MGRN1: variants seen among roughly 807,000 people sequenced by gnomAD.
The protein encoded by MGRN1 is E3 ubiquitin-protein ligase MGRN1.
MGRN1 carries 29 observed loss-of-function variants against 69.2 expected under a neutral mutation model. That is an observed-to-expected ratio of 0.42 (90% CI 0.31 to 0.57). The LOEUF (loss-of-function observed/expected upper bound fraction) is 0.57, where lower values mean the gene tolerates loss of function less well. MGRN1 is among the 20% of genes least tolerant of loss of function. The pLI is 0.15. For missense variants in MGRN1, 998 were observed against 796.2 expected (o/e 1.25, Z -3.05); for synonymous variants, 470 against 344.2 (o/e 1.37, Z -4.04).
At chr16:4,648,555 C>T (rs1222164563) in intron 1 of MGRN1, among the ~76,000 whole-genome samples, 1 of 118,500 alleles carries the variant, frequency 8.4e-6, no homozygotes, top group Non-Finnish European at 1.7e-5. Flanking sequence ...GTCCTCCTCC[C>T]GGGGGCTCTT....
intron 1 of MGRN1, chr16:4,640,100 C>T (rs963318236): frequency 3.3e-5 from 5 of 152,314 alleles, no homozygotes; most frequent in African/African-American, 1.2e-4. Flanking sequence ...TTCGGAATGT[C>T]CCTGTTTTCC....
In MGRN1 at chr16:4,689,228, C is replaced by T. The variant is rs1215423327; in HGVS notation, c.*320C>T. On this transcript the variant is annotated 3_prime_UTR_variant, in exon 17 of 17. Transcript: ENST00000262370. ...TGCCCACGTGTGGCCTCCGCTGGCT[C>T]TGCCTGCTCCTGCAACAGTGCGGTC... 3 of 294,616 alleles carry T rather than the reference C, an allele frequency of 1.0e-5. No homozygotes were observed. In the South Asian group the frequency reaches 3.1e-4, roughly 30 times the overall value. The allele number at this position is 294,616 out of a possible 1,614,324, so 18.3% of individuals were successfully genotyped here. A position where few individuals can be genotyped will look rare whatever the true frequency, so the allele number is the denominator to read the frequency against.
intron 10 of MGRN1, 45 bp downstream of exon 10, chr16:4,673,702 G>A: frequency 6.2e-7 from 1 of 1,602,862 alleles, no homozygotes; most frequent in South Asian, 1.1e-5. Context: ...CTGGAAATTA[G>A]GGACTGGCCA....
At chr16:4,681,810 T>G in intron 13 of MGRN1, 34 bp downstream of exon 13, 2 of 1,592,366 alleles carry the variant, frequency 1.3e-6, no homozygotes, top group Non-Finnish European at 1.7e-6. Flanking sequence ...CATGGCAGGG[T>G]GTGTGGTGGC....
intron 8 of MGRN1, 67 bp downstream of exon 8, chr16:4,668,379 A>T (rs1461178291): frequency 1.0e-5 from 16 of 1,524,680 alleles, no homozygotes; most frequent in Non-Finnish European, 1.5e-5. Flanking sequence ...ACTCACACGC[A>T]TACTCATACA....
chr16:4,650,278 G>C, intron 1 of MGRN1, 87 bp from the exon 2 acceptor site: 1 of 1,043,982 alleles, frequency 9.6e-7, no homozygotes. Context: ...ACTCCAGCCT[G>C]GGTGGAGCGC....
rs567555969 is a variant in MGRN1 at position 4,625,432 on chromosome 16, C to T, written c.88+384C>T. Among the ~76,000 whole-genome samples the T allele has an allele frequency of 9.2e-5, 14 of 152,360 alleles. No homozygotes were observed. The South Asian group carries it at 2.9e-3, about 32-fold the overall frequency. On this transcript the variant is annotated intron_variant, in intron 1 of 16. Transcript: ENST00000262370. Reference sequence around the variant, plus strand: ...ACTCTCATTGTCATCAGATTGACCTCACCGCGGGGGCCGGCTTTCGCTTTC... The same window carrying T: ...ACTCTCATTGTCATCAGATTGACCTTACCGCGGGGGCCGGCTTTCGCTTTC...
chr16:4,652,534 A>G (rs2078432081), intron 3 of MGRN1, 144 bp from the exon 4 acceptor site: 3 of 1,088,836 alleles, frequency 2.8e-6, no homozygotes, highest in Non-Finnish European at 3.8e-6. Context: ...TCATGTACAA[A>G]TAGGAAACAG....
chr16:4,651,129 AT>A (rs1295745725), intron 2 of MGRN1: 5 of 151,926 alleles, frequency 3.3e-5, no homozygotes, highest in Non-Finnish European at 5.9e-5. Flanking sequence ...AAAAAAGAAT[AT>A]TTACTTTCCC....
chr16:4,639,700 C>T (rs766089620), intron 1 of MGRN1: 6 of 152,358 alleles, frequency 3.9e-5, no homozygotes, highest in Middle Eastern at 3.4e-3. Context: ...CTGACATGAT[C>T]TGAGCCCGGC....
At chr16:4,674,179 T>C (rs905200970) in intron 10 of MGRN1, among the ~76,000 whole-genome samples, 1 of 152,190 alleles carries the variant, frequency 6.6e-6, no homozygotes, top group African/African-American at 2.4e-5. Context: ...AGATGGGGTT[T>C]TGCCATGTTG....
intron 16 of MGRN1, chr16:4,688,267 G>T: frequency 1.0e-6 from 1 of 985,802 alleles, no homozygotes; most frequent in Non-Finnish European, 1.2e-6. Flanking sequence ...AGCGCCCGGC[G>T]GCGTCGTGCA....
intron 16 of MGRN1, chr16:4,686,811 G>A (rs1228033954): frequency 6.2e-5 from 61 of 987,634 alleles, no homozygotes; most frequent in Non-Finnish European, 7.1e-5. Flanking sequence ...ACGCTCAGCA[G>A]GTCCACTCCC....
At chr16:4,688,530 C>T (rs975519295) in intron 16 of MGRN1, 42 of 1,247,152 alleles carry the variant, frequency 3.4e-5, no homozygotes, top group African/African-American at 4.6e-5. Flanking sequence ...TGCCGTGTCG[C>T]GCTCTGACTC....
chr16:4,684,197 C>T (rs1473707303), intron 16 of MGRN1, among the ~76,000 whole-genome samples: 1 of 152,258 alleles, frequency 6.6e-6, no homozygotes, highest in Non-Finnish European at 1.5e-5. Context: ...GCCACATTGG[C>T]CACAGGAGGT....
At chr16:4,662,773 G>A (rs2078711771) in intron 5 of MGRN1, among the ~76,000 whole-genome samples, 2 of 152,206 alleles carry the variant, frequency 1.3e-5, no homozygotes, top group African/African-American at 4.8e-5. Context: ...ACTTCACGGG[G>A]GGACAGCAGG....
At chr16:4,684,032 T>C (rs2079250625) in intron 16 of MGRN1, 100 bp downstream of exon 16, 3 of 1,041,754 alleles carry the variant, frequency 2.9e-6, no homozygotes, top group South Asian at 1.5e-5. Flanking sequence ...GCAGAGGCTG[T>C]CCATTGGAGC....
chr16:4,669,857 G>A (rs1022259566), intron 8 of MGRN1, among the ~76,000 whole-genome samples: 2 of 151,974 alleles, frequency 1.3e-5, no homozygotes, highest in African/African-American at 2.4e-5. Flanking sequence ...TGTTATTCCT[G>A]GTGGCCTCAC....
chr16:4,650,269 C>T (rs1208341618), intron 1 of MGRN1, 96 bp from the exon 2 acceptor site: 2 of 958,636 alleles, frequency 2.1e-6, no homozygotes, highest in African/African-American at 3.4e-5. Flanking sequence ...CGCCACTGCA[C>T]TCCAGCCTGG....
Sources: gnomAD v4.1 joint callset for allele counts (sites outside exome capture counted in the v4.1 genomes callset) on GRCh38, gnomAD v4.1.1 for gene constraint, MANE v1.5 for transcripts, NCBI Gene and HGNC (gene_info 2026-07-23, HGNC 2026-07-21) for gene names.